CACNA1C: variants seen among roughly 807,000 people sequenced by gnomAD.
CACNA1C encodes voltage-dependent L-type calcium channel subunit alpha-1C.
A neutral mutation model predicts 229.0 loss-of-function variants in CACNA1C; 30 were observed. The observed-to-expected ratio is 0.13, with a 90% CI of 0.10 to 0.18. The LOEUF (loss-of-function observed/expected upper bound fraction) is 0.18, where lower values mean the gene tolerates loss of function less well. CACNA1C is among the 10% of genes least tolerant of loss of function. CACNA1C has a pLI of 1.00. For missense variants in CACNA1C, 1,658 were observed against 2,845.0 expected, an observed-to-expected ratio of 0.58 and a Z score of 9.49; for synonymous variants, 1,114 against 1,132.5, an observed-to-expected ratio of 0.98 and a Z score of 0.33.
In CACNA1C at chr12:2,688,888, A is replaced by G. The variant is rs1603467529; in HGVS notation, c.6117+109A>G. ...GCTCTTGCCAAATTCATTGCAGTCA[A>G]TATCTGAGCCCGAAAGACCCTCCCT... On this transcript the variant is annotated intron_variant, in intron 46 of 46. Coordinates refer to ENST00000399655, the MANE Select transcript of CACNA1C (RefSeq NM_000719.7). 38 of 916,392 alleles carry G rather than the reference A, an allele frequency of 4.1e-5. No individual in the cohort carries two copies. The East Asian group carries it at 8.2e-4, about 20-fold the overall frequency. The allele number at this position is 916,392 out of a possible 1,614,324, so 56.8% of individuals were successfully genotyped here.
chr12:2,501,243 A>G (rs895257156), intron 7 of CACNA1C, among the ~76,000 whole-genome samples: 22 of 149,870 alleles, frequency 1.5e-4, no homozygotes, highest in Non-Finnish European at 2.7e-4. Flanking sequence ...AAGTAAAGCA[A>G]TACTCATTTA....
intron 5 of CACNA1C, among the ~76,000 whole-genome samples, chr12:2,473,108 C>T (rs1165641905): frequency 2.0e-5 from 3 of 152,140 alleles, no homozygotes; most frequent in Admixed American, 6.5e-5. Flanking sequence ...ATTTCAGGGC[C>T]GTAAGTCCAA....
rs78563698 is a variant in CACNA1C, at chr12:1,996,616, TAAAAAAAAAAAAAAAAAAAAAAAA to T, written c.139+25431_139+25454del. On this transcript the variant is annotated intron_variant, in intron 1 of 46. Coordinates refer to the CACNA1C transcript ENST00000682462. The stretch of plus-strand genomic sequence containing the variant: ...AATACACTAATAATAGCTGATGAGC[TAAAAAAAAAAAAAAAAAAAAAAAA>T]AAAAAAAAAAAAAAACAACAAACTC... Among the ~76,000 whole-genome samples the T allele has an allele frequency of 8.0e-4, 15 of 18,844 alleles. No individual in the cohort carries two copies. In the South Asian group the frequency reaches 0.029, roughly 36 times the overall value. 12.4% of individuals were successfully genotyped at this position (18,844 alleles called of 152,430 possible).
intron 27 of CACNA1C, among the ~76,000 whole-genome samples, chr12:2,610,294 C>G (rs758540514): frequency 3.3e-5 from 5 of 152,148 alleles, no homozygotes; most frequent in Non-Finnish European, 5.9e-5. Context: ...CTGCCTAGGA[C>G]CTTGTTACGG....
rs1464230364 is a variant in CACNA1C at position 2,512,857 on chromosome 12, C to T, written c.1263C>T (p.Phe421=). Reference sequence around the variant, plus strand: ...AGAAGGCCAAGGCCCGGGGAGATTTCCAGAAGCTGCGGGAGAAGCAGCAGC... The same window carrying T: ...AGAAGGCCAAGGCCCGGGGAGATTTTCAGAAGCTGCGGGAGAAGCAGCAGC... ...EREKAKARGD[F]QKLREKQQLE... The change falls in exon 9 of 47, where the codon TTC becomes TTT. Residue 421 remains phenylalanine, a synonymous_variant. Transcript: ENST00000399655. This position sits in a 1 kb window ranked among gnomAD's most constrained non-coding sequence, Gnocchi z 4.3. 1 of 1,613,412 alleles carries T rather than the reference C, an allele frequency of 6.2e-7. No individual in the cohort carries two copies. Among genetic ancestry groups the T allele is most frequent in the South Asian group, 1.1e-5 (1 of 90,864 alleles).
chr12:2,257,525 G>A (rs2078443165), intron 3 of CACNA1C, among the ~76,000 whole-genome samples: 2 of 152,230 alleles, frequency 1.3e-5, no homozygotes, highest in African/African-American at 2.4e-5. Flanking sequence ...GCTCCCATGA[G>A]AATCTAATGC....
At chr12:2,023,426 C>T (rs994682558) in intron 1 of CACNA1C, among the ~76,000 whole-genome samples, 1 of 152,126 alleles carries the variant, frequency 6.6e-6, no homozygotes, top group African/African-American at 2.4e-5. Context: ...CACTGTGTCT[C>T]CTGTCACAGG....
intron 39 of CACNA1C, chr12:2,676,222 G>C (rs1480837377): frequency 6.6e-6 from 1 of 152,228 alleles, no homozygotes; most frequent in African/African-American, 2.4e-5. Flanking sequence ...CTGGACAGGG[G>C]ACCCTGGGTT....
intron 1 of CACNA1C, among the ~76,000 whole-genome samples, chr12:2,021,048 T>C (rs1565946305): frequency 6.6e-6 from 1 of 152,222 alleles, no homozygotes. Flanking sequence ...TTTTCCCTAA[T>C]GGTAAAATTA....
intron 3 of CACNA1C, among the ~76,000 whole-genome samples, chr12:2,315,026 G>T (rs2095616036): frequency 6.6e-6 from 1 of 152,196 alleles, no homozygotes; most frequent in Non-Finnish European, 1.5e-5. Flanking sequence ...GGTGAGGACT[G>T]CTATTTCTTG....
At chr12:2,009,129 T>G (rs2043969967) in intron 1 of CACNA1C, among the ~76,000 whole-genome samples, 1 of 152,212 alleles carries the variant, frequency 6.6e-6, no homozygotes, top group Non-Finnish European at 1.5e-5. Flanking sequence ...GGACAAATAT[T>G]GGTGACTTCG....
chr12:2,111,877 G>A (rs1044024346), intron 1 of CACNA1C, among the ~76,000 whole-genome samples: 1 of 152,190 alleles, frequency 6.6e-6, no homozygotes, highest in African/African-American at 2.4e-5. Flanking sequence ...GAGGCGCCCC[G>A]AGGTTACTGC....
At chr12:2,586,001 T>A in intron 18 of CACNA1C, 97 bp downstream of exon 18, 1 of 647,210 alleles carries the variant, frequency 1.5e-6, no homozygotes, top group Non-Finnish European at 2.7e-6. Context: ...GGGACCATGG[T>A]TCCAGTGTCC....
At chr12:2,314,130 G>A (rs1352444262) in intron 3 of CACNA1C, among the ~76,000 whole-genome samples, 3 of 152,076 alleles carry the variant, frequency 2.0e-5, no homozygotes, top group African/African-American at 4.8e-5. Flanking sequence ...ATCTAGCCAC[G>A]TCACCTTCTC....
intron 3 of CACNA1C, among the ~76,000 whole-genome samples, chr12:2,428,478 C>T (rs1359295284): frequency 6.6e-6 from 1 of 152,240 alleles, no homozygotes; most frequent in Non-Finnish European, 1.5e-5. Context: ...ATTAATCCTG[C>T]CTGCCTAGAC....
rs533892755 is a variant in CACNA1C, at chr12:2,493,223, C to T, written c.950C>T (p.Ala317Val). The change falls in exon 7 of 47, where the codon GCG becomes GTG. Residue 317 changes from alanine (A) to valine (V), a missense_variant. Physicochemically the swap from Ala to Val is moderately conservative, Grantham distance 64 (BLOSUM62 0). This residue lies in a region of CACNA1C where 84 missense variants were observed against 202.6 expected (regional missense o/e 0.41). Coordinates refer to ENST00000399655, the MANE Select transcript of CACNA1C (RefSeq NM_000719.7). This position sits in a 1 kb window ranked among gnomAD's most constrained non-coding sequence, Gnocchi z 4.6. ...VPAEDDPSPC[A>V]LETGHGRQCQ... ...GCAGAAGATGACCCTTCCCCTTGTG[C>T]GCTGGAAACGGGCCACGGGCGGCAG... 6.2e-7 allele frequency: 1 copy of T among 1,613,982 alleles called. No individual in the cohort carries two copies. The highest frequency in any genetic ancestry group is 8.5e-7 in the Non-Finnish European group (1 of 1,179,858).
intron 3 of CACNA1C, among the ~76,000 whole-genome samples, chr12:2,268,746 TC>T (rs1273483586): frequency 6.6e-6 from 1 of 152,064 alleles, no homozygotes; most frequent in Non-Finnish European, 1.5e-5. Flanking sequence ...TGGGGGAGGT[TC>T]CCCGGGAGAC....
intron 4 of CACNA1C, among the ~76,000 whole-genome samples, chr12:2,450,134 G>A (rs542055584): frequency 1.3e-5 from 2 of 152,258 alleles, no homozygotes; most frequent in South Asian, 4.1e-4. Context: ...AAACAGCAAT[G>A]CAAAGAATCT....
At chr12:2,436,930 A>G (rs551012483) in intron 3 of CACNA1C, among the ~76,000 whole-genome samples, 4 of 152,320 alleles carry the variant, frequency 2.6e-5, no homozygotes, top group Non-Finnish European at 4.4e-5. Flanking sequence ...CTTGTCATCA[A>G]TTAGCTGTCC....
Sources: gnomAD v4.1 joint callset for allele counts (sites outside exome capture counted in the v4.1 genomes callset) on GRCh38, gnomAD v4.1.1 for gene constraint, gnomAD v4.1.1 regional missense constraint, Gnocchi (gnomAD v3.1) non-coding constraint, MANE v1.5 for transcripts, NCBI Gene and HGNC (gene_info 2026-07-23, HGNC 2026-07-21) for gene names.